EPGN: variants seen among roughly 807,000 people sequenced by gnomAD.
EPGN encodes the protein epigen.
A neutral mutation model predicts 20.7 loss-of-function variants in EPGN; 21 were observed. The ratio of observed to expected loss-of-function variants is 1.01; its 90% CI spans 0.72 to 1.46. The LOEUF is 1.46. Ranked by LOEUF, EPGN falls within the 40% of genes most tolerant of loss-of-function variation. The pLI, the probability that EPGN is intolerant of heterozygous loss-of-function variation, is 0.00. For synonymous variants in EPGN, 69 were observed against 63.8 expected (o/e 1.08, Z -0.39); for missense variants, 199 against 180.7 (o/e 1.10, Z -0.58).
At chr4:74,312,404 A>G in intron 3 of EPGN, 99 bp downstream of exon 3, 1 of 1,367,854 alleles carries the variant, frequency 7.3e-7, no homozygotes, top group Non-Finnish European at 9.8e-7. Context: ...TCTTTAGTTT[A>G]AAAGGGTGCA....
intron 2 of EPGN, 62 bp downstream of exon 2, chr4:74,309,244 A>C: frequency 7.0e-7 from 1 of 1,435,004 alleles, no homozygotes; most frequent in Non-Finnish European, 9.7e-7. Flanking sequence ...AGAAATTTGG[A>C]TTGTGATAAA....
intron 4 of EPGN, 104 bp downstream of exon 4, chr4:74,313,274 A>G (rs1264209251): frequency 7.0e-7 from 1 of 1,430,640 alleles, no homozygotes; most frequent in East Asian, 2.6e-5. Flanking sequence ...AATTTTTTTA[A>G]TTAAAAAAGA....
chr4:74,312,388 T>A, intron 3 of EPGN, 83 bp downstream of exon 3: 2 of 1,458,230 alleles, frequency 1.4e-6, no homozygotes. Flanking sequence ...TTTCCACACT[T>A]TTCTCTCTTT....
intron 2 of EPGN, among the ~76,000 whole-genome samples, chr4:74,310,367 AAGG>A (rs902237420): frequency 4.7e-5 from 7 of 147,710 alleles, no homozygotes; most frequent in Admixed American, 1.4e-4. Flanking sequence ...GAGGCTGATG[AAGG>A]AGAATTGCTT....
Position 74,312,907 on chromosome 4 carries a change from CTTTAA to C in EPGN, c.255-105_255-101del, listed in dbSNP as rs1751052589. On this transcript the variant is annotated intron_variant, in intron 3 of 4. Transcript: ENST00000413830. ...ATTGGCTTTCATTTGGTATTTGCCT[CTTTAA>C]TTTAAATTCCTTATTTCCATTTATT... The C allele has an allele frequency of 5.3e-6, 5 of 951,552 alleles. No individual in the cohort carries two copies. In the Admixed American group the frequency reaches 1.3e-4, roughly 25 times the overall value. The allele number at this position is 951,552 out of a possible 1,614,324, so 58.9% of individuals were successfully genotyped here.
At position 74,312,320 on chromosome 4, in the gene EPGN, A is replaced by G; in HGVS notation, c.254+15A>G. ...GCCATCTGCAGGTAAATGCAAAGAAATATCCAAGTCCTAGAGACAGGAGAT... is the reference window on the plus strand; with the variant it reads ...GCCATCTGCAGGTAAATGCAAAGAAGTATCCAAGTCCTAGAGACAGGAGAT... On this transcript the variant is annotated intron_variant, in intron 3 of 4. Transcript: ENST00000413830. 1 of 1,606,012 alleles carries G rather than the reference A, an allele frequency of 6.2e-7. No homozygotes were observed. The highest frequency in any genetic ancestry group is 8.5e-7 in the Non-Finnish European group (1 of 1,177,324).
At chr4:74,310,268 C>G (rs887770239) in intron 2 of EPGN, among the ~76,000 whole-genome samples, 1 of 151,784 alleles carries the variant, frequency 6.6e-6, no homozygotes, top group East Asian at 1.9e-4. Context: ...TTGAGACCAG[C>G]CTGGGCAACA....
intron 2 of EPGN, among the ~76,000 whole-genome samples, chr4:74,311,175 C>T (rs1750918467): frequency 6.6e-6 from 1 of 151,982 alleles, no homozygotes; most frequent in South Asian, 2.1e-4. Flanking sequence ...TGGCTTAATT[C>T]TCACATTTTT....
intron 2 of EPGN, 94 bp downstream of exon 2, chr4:74,309,276 T>C (rs1750738133): frequency 4.8e-6 from 4 of 830,694 alleles, no homozygotes; most frequent in Non-Finnish European, 7.3e-6. Flanking sequence ...CCATTTTTAA[T>C]ATATATTTTA....
Position 74,315,678 on chromosome 4 carries a change from G to A in EPGN, c.*1041G>A, listed in dbSNP as rs551859596. 6.6e-6 allele frequency among the ~76,000 whole-genome samples: 1 copy of A among 152,282 alleles called. No individual in the cohort carries two copies. The highest frequency in any genetic ancestry group is 1.9e-4 in the East Asian group (1 of 5,174). ...ATAATAATCAGTATCCAGGCCAGGC[G>A]TGGTGGTTCACGCCTGTAATCCTAG... is the stretch of plus-strand genomic sequence containing the variant. On this transcript the variant is annotated 3_prime_UTR_variant, in exon 5 of 5. Coordinates refer to ENST00000413830, the MANE Select transcript of EPGN (RefSeq NM_001270989.2).
Position 74,314,631 on chromosome 4 carries a change from A to T in EPGN, c.459A>T (p.Pro153=). Residue 153 remains proline (P), a synonymous_variant, in exon 5 of 5, where the codon CCA becomes CCT. Transcript: ENST00000413830. ...PYNVCSGERR[P]L ...ATGTCTGTTCTGGAGAAAGACGACC[A>T]CTGTGAGGCCTTTGTGAAGAATTTT... 2 of 1,536,058 alleles carry T rather than the reference A, an allele frequency of 1.3e-6. No homozygotes were observed. The highest frequency in any genetic ancestry group is 1.7e-6 in the Non-Finnish European group (2 of 1,146,810).
chr4:74,314,565 A>G lies in EPGN; in HGVS notation c.408-15A>G. 2 of 1,535,666 alleles carry G rather than the reference A, an allele frequency of 1.3e-6. No homozygotes were observed. The highest frequency in any genetic ancestry group is 1.7e-6 in the Non-Finnish European group (2 of 1,146,496). On this transcript the variant is annotated splice_polypyrimidine_tract_variant and intron_variant, in intron 4 of 4. Transcript: ENST00000413830. ...CCACAGTCAAATTCATATGGAAACC[A>G]ATGCTCTGTTTCAGGTGTCTAAAAT...
In EPGN at chr4:74,308,562, A is replaced by C. The variant is rs753596161; in HGVS notation, c.29A>C (p.Tyr10Ser). 3.1e-6 allele frequency: 5 copies of C among 1,610,014 alleles called. No homozygotes were observed. The highest frequency in any genetic ancestry group is 4.2e-6 in the Non-Finnish European group (5 of 1,177,476). Residue 10 changes from tyrosine (Y) to serine (S), a missense_variant, in exon 1 of 5, where the codon TAT becomes TCT. Transcript: ENST00000413830. ...GCTTTGGGAGTTCCAATATCAGTCT[A>C]TCTTTTATTCAACGGTAGGTAATTT... MALGVPISV[Y>S]LLFNAMTALT...
chr4:74,311,047 GTTTTT>G (rs2110351024), intron 2 of EPGN, among the ~76,000 whole-genome samples: 1 of 151,542 alleles, frequency 6.6e-6, no homozygotes, highest in Non-Finnish European at 1.5e-5. Context: ...TTTTCCTTTT[GTTTTT>G]TATCTAACTT....
At chr4:74,312,937 T>G in intron 3 of EPGN, 81 bp from the exon 4 acceptor site, 2 of 1,175,514 alleles carry the variant, frequency 1.7e-6, no homozygotes, top group Non-Finnish European at 2.4e-6. Context: ...TTCCATTTAT[T>G]TTTTTAAATT....
chr4:74,310,989 A>G (rs1750905370), intron 2 of EPGN, among the ~76,000 whole-genome samples: 1 of 152,164 alleles, frequency 6.6e-6, no homozygotes, highest in African/African-American at 2.4e-5. Flanking sequence ...GTACAACTGT[A>G]TATCATTTCT....
rs1751269958 is a variant in EPGN at position 74,316,311 on chromosome 4, C to T, written c.*1674C>T. On this transcript the variant is annotated 3_prime_UTR_variant, in exon 5 of 5. Coordinates refer to ENST00000413830, the MANE Select transcript of EPGN (RefSeq NM_001270989.2). Reference sequence around the variant, plus strand: ...TAGCTATCATTTTTTAAGATTCAATCTAAAACAATGGACTCTTTTTTTTTC... The same window carrying T: ...TAGCTATCATTTTTTAAGATTCAATTTAAAACAATGGACTCTTTTTTTTTC... Among the ~76,000 whole-genome samples the T allele has an allele frequency of 6.6e-6, 1 of 152,030 alleles. No homozygotes were observed. Among genetic ancestry groups the T allele is most frequent in the Non-Finnish European group, 1.5e-5 (1 of 68,004 alleles).
intron 2 of EPGN, 125 bp from the exon 3 acceptor site, chr4:74,312,060 G>A: frequency 9.3e-7 from 1 of 1,076,918 alleles, no homozygotes; most frequent in Non-Finnish European, 1.3e-6. Flanking sequence ...AGAATCAATA[G>A]TTTAAAGGAC....
rs762420877 is a variant in EPGN, at chr4:74,308,536, GGCT to G, written c.4_6del (p.Ala2del). 1 of 1,609,552 alleles carries G rather than the reference GGCT, an allele frequency of 6.2e-7. No homozygotes were observed. The highest frequency in any genetic ancestry group is 1.1e-5 in the South Asian group (1 of 90,186). The stretch of plus-strand genomic sequence containing the variant: ...AGAAAGTTAAGCAACTACAGGAAAT[GGCT>G]TTGGGAGTTCCAATATCAGTCTATC... On this transcript the variant is annotated inframe_deletion, in exon 1 of 5. Coordinates refer to ENST00000413830, the MANE Select transcript of EPGN (RefSeq NM_001270989.2).
Sources: gnomAD v4.1 joint callset for allele counts (sites outside exome capture counted in the v4.1 genomes callset) on GRCh38, gnomAD v4.1.1 for gene constraint, MANE v1.5 for transcripts, NCBI Gene and HGNC (gene_info 2026-07-23, HGNC 2026-07-21) for gene names.